IQCJ: variants seen among roughly 807,000 people sequenced by gnomAD.
The protein encoded by IQCJ is IQ domain-containing protein J.
In IQCJ, 9 loss-of-function variants were observed where a neutral mutation model predicts 11.0. That is an observed-to-expected ratio of 0.82 (90% CI 0.49 to 1.43). IQCJ has a LOEUF of 1.43. Among genes scored for constraint, IQCJ ranks in the 40% most tolerant of loss-of-function variants. The pLI is 0.00. For synonymous variants in IQCJ, 55 were observed against 51.3 expected, an observed-to-expected ratio of 1.07 and a Z score of -0.31; for missense variants, 146 against 133.2, an observed-to-expected ratio of 1.10 and a Z score of -0.47.
rs543177827 is a variant in IQCJ, at chr3:159,085,194, T to C, written c.9+15753T>C. ...TTGGGTTTTTGTTCTTGCGATAGTTTACTGAGAATGATGGTTTCCAATTTC... is the reference window on the plus strand; with the variant it reads ...TTGGGTTTTTGTTCTTGCGATAGTTCACTGAGAATGATGGTTTCCAATTTC... On this transcript the variant is annotated intron_variant, in intron 1 of 3. Coordinates refer to ENST00000397832, the MANE Select transcript of IQCJ (RefSeq NM_001042706.3). Among the ~76,000 whole-genome samples, 5 of 152,114 alleles carry C rather than the reference T, an allele frequency of 3.3e-5. No homozygotes were observed. In the South Asian group the frequency reaches 6.2e-4, roughly 19 times the overall value.
At chr3:159,224,792 G>A (rs1326498958) in intron 1 of IQCJ, among the ~76,000 whole-genome samples, 1 of 152,110 alleles carries the variant, frequency 6.6e-6, no homozygotes, top group Non-Finnish European at 1.5e-5. Flanking sequence ...CTGAGTTCTT[G>A]AGCAAACTAA....
At chr3:159,233,186 A>T (rs1726367087) in intron 1 of IQCJ, among the ~76,000 whole-genome samples, 2 of 152,052 alleles carry the variant, frequency 1.3e-5, no homozygotes, top group Admixed American at 1.3e-4. Flanking sequence ...TGACACGTTT[A>T]TGTTCCAAGA....
chr3:159,187,679 A>C (rs1429469111), intron 1 of IQCJ, among the ~76,000 whole-genome samples: 1 of 152,226 alleles, frequency 6.6e-6, no homozygotes, highest in African/African-American at 2.4e-5. Context: ...GGAAGCTCGA[A>C]GGATGGCACC....
chr3:159,239,818 T>C (rs1051267975), intron 1 of IQCJ, among the ~76,000 whole-genome samples: 4 of 152,216 alleles, frequency 2.6e-5, no homozygotes, highest in Non-Finnish European at 4.4e-5. Context: ...ATATTTACCA[T>C]TGTGTTATAA....
chr3:159,120,685 G>T (rs2108139805), intron 1 of IQCJ, among the ~76,000 whole-genome samples: 1 of 152,334 alleles, frequency 6.6e-6, no homozygotes, highest in South Asian at 2.1e-4. Flanking sequence ...GGCATTTAGA[G>T]AGGTGGGTAT....
rs1284116209 is a variant in IQCJ at position 159,186,477 on chromosome 3, AAT to A, written c.10-59365_10-59364del. Among the ~76,000 whole-genome samples, 5 of 152,312 alleles carry A rather than the reference AAT, an allele frequency of 3.3e-5. No individual in the cohort carries two copies. The East Asian group carries it at 9.7e-4, about 29-fold the overall frequency. ...GACAAGCATTTCAAACACTTCACAA[AAT>A]CCAAACATTGTGGAAGACTAATTTG... On this transcript the variant is annotated intron_variant, in intron 1 of 3. Coordinates refer to ENST00000397832, the MANE Select transcript of IQCJ (RefSeq NM_001042706.3).
At chr3:159,171,555 T>C (rs1004159288) in intron 1 of IQCJ, among the ~76,000 whole-genome samples, 9 of 152,168 alleles carry the variant, frequency 5.9e-5, no homozygotes, top group Non-Finnish European at 1.2e-4. Context: ...CAGCCCTGCT[T>C]CAGACTAGTG....
chr3:159,164,632 G>T (rs888531400), intron 1 of IQCJ, among the ~76,000 whole-genome samples: 4 of 152,162 alleles, frequency 2.6e-5, no homozygotes, highest in Non-Finnish European at 5.9e-5. Flanking sequence ...GCTGAGCATG[G>T]TGGCACATGC....
intron 1 of IQCJ, among the ~76,000 whole-genome samples, chr3:159,155,118 G>A (rs1308842442): frequency 6.6e-6 from 1 of 152,136 alleles, no homozygotes; most frequent in South Asian, 2.1e-4. Context: ...GTTAAATAAG[G>A]TTTCTGGCCG....
chr3:159,209,007 C>G (rs186829656), intron 1 of IQCJ, among the ~76,000 whole-genome samples: 56 of 152,240 alleles, frequency 3.7e-4, no homozygotes, highest in African/African-American at 1.3e-3. Context: ...GGGCAGAGTC[C>G]CTGGCAAGGG....
At chr3:159,135,903 A>G (rs1720263312) in intron 1 of IQCJ, among the ~76,000 whole-genome samples, 1 of 152,238 alleles carries the variant, frequency 6.6e-6, no homozygotes, top group Non-Finnish European at 1.5e-5. Context: ...GTAGTAAACA[A>G]GTACGCAGAA....
At chr3:159,093,500 G>T (rs1268949742) in intron 1 of IQCJ, among the ~76,000 whole-genome samples, 1 of 151,792 alleles carries the variant, frequency 6.6e-6, no homozygotes, top group Non-Finnish European at 1.5e-5. Flanking sequence ...ACCTCAGTTA[G>T]CTGTATTGTG....
chr3:159,110,220 G>T (rs1559988825), intron 1 of IQCJ, among the ~76,000 whole-genome samples: 1 of 152,022 alleles, frequency 6.6e-6, no homozygotes, highest in Non-Finnish European at 1.5e-5. Flanking sequence ...TTTATCTAAG[G>T]TTTACATTTC....
intron 1 of IQCJ, among the ~76,000 whole-genome samples, chr3:159,224,121 C>T (rs891238408): frequency 4.0e-5 from 6 of 149,546 alleles, no homozygotes; most frequent in African/African-American, 7.4e-5. Flanking sequence ...GTGTGTGACA[C>T]GAAGTATATA....
intron 1 of IQCJ, among the ~76,000 whole-genome samples, chr3:159,103,995 C>T (rs1718090499): frequency 6.6e-6 from 1 of 152,208 alleles, no homozygotes; most frequent in Admixed American, 6.5e-5. Flanking sequence ...CAGAGAGAGC[C>T]TTCATCCAGT....
At chr3:159,088,290 G>C (rs1188597365) in intron 1 of IQCJ, among the ~76,000 whole-genome samples, 1 of 152,010 alleles carries the variant, frequency 6.6e-6, no homozygotes, top group African/African-American at 2.4e-5. Flanking sequence ...GAGACAGTTT[G>C]TTATAATTTC....
At chr3:159,090,088 A>G (rs1228062055) in intron 1 of IQCJ, among the ~76,000 whole-genome samples, 1 of 151,566 alleles carries the variant, frequency 6.6e-6, no homozygotes, top group Non-Finnish European at 1.5e-5. Context: ...TGATGTAAAG[A>G]TGGGTTTTTG....
intron 1 of IQCJ, among the ~76,000 whole-genome samples, chr3:159,095,264 G>T (rs61796004): frequency 6.6e-6 from 1 of 151,694 alleles, no homozygotes; most frequent in African/African-American, 2.4e-5. Flanking sequence ...AATAGTAAAT[G>T]TGTATAGACA....
At chr3:159,130,854 T>G (rs913626020) in intron 1 of IQCJ, among the ~76,000 whole-genome samples, 5 of 152,196 alleles carry the variant, frequency 3.3e-5, no homozygotes, top group South Asian at 4.1e-4. Flanking sequence ...GAAATATAGT[T>G]TTTTTGTTTG....
Sources: allele counts gnomAD v4.1 joint callset (sites outside exome capture counted in the v4.1 genomes callset), GRCh38; gene constraint gnomAD v4.1.1; transcripts MANE v1.5; gene names NCBI Gene and HGNC (gene_info 2026-07-23, HGNC 2026-07-21).